SAMD5: variants seen among roughly 807,000 people sequenced by gnomAD.
The protein encoded by SAMD5 is sterile alpha motif domain-containing protein 5.
In SAMD5, 13 loss-of-function variants were observed where a neutral mutation model predicts 11.3. The ratio of observed to expected loss-of-function variants is 1.15; its 90% CI spans 0.75 to 1.83. The LOEUF (loss-of-function observed/expected upper bound fraction) is 1.83, where lower values mean the gene tolerates loss of function less well. SAMD5 is among the 40% of genes most tolerant of loss of function. SAMD5 has a pLI of 0.00. For missense variants in SAMD5, 255 were observed against 239.1 expected (o/e 1.07, Z -0.44); for synonymous variants, 129 against 111.3 (o/e 1.16, Z -1.00).
downstream of SAMD5, among the ~76,000 whole-genome samples, chr6:147,573,486 T>A (rs947044414): frequency 6.6e-6 from 1 of 152,108 alleles, no homozygotes; most frequent in African/African-American, 2.4e-5. Context: ...CCACCTCCCA[T>A]GAGGTCCCTC....
At chr6:147,908,371 A>ACAT in the SAMD5 span, among the ~76,000 whole-genome samples, 1 of 152,164 alleles carries the variant, frequency 6.6e-6, no homozygotes. Context: ...GGGCCTGTGG[A>ACAT]CATCTCATGC....
chr6:147,839,604 G>T, the SAMD5 span, among the ~76,000 whole-genome samples: 1 of 152,110 alleles, frequency 6.6e-6, no homozygotes, highest in South Asian at 2.1e-4. Flanking sequence ...ACAAAAATTA[G>T]CTGGGTGTGG....
At chr6:147,540,639 C>G (rs1182327176) in intron 1 of SAMD5, among the ~76,000 whole-genome samples, 1 of 152,130 alleles carries the variant, frequency 6.6e-6, no homozygotes, top group African/African-American at 2.4e-5. Flanking sequence ...TTATAGAACA[C>G]AGAAAAGCAA....
the SAMD5 span, among the ~76,000 whole-genome samples, chr6:147,808,641 T>C: frequency 6.6e-6 from 1 of 152,216 alleles, no homozygotes; most frequent in African/African-American, 2.4e-5. Context: ...TTAGGGAAAA[T>C]ATCTTGTTTA....
chr6:147,527,548 G>A (rs534045424), intron 1 of SAMD5, among the ~76,000 whole-genome samples: 5 of 152,160 alleles, frequency 3.3e-5, no homozygotes, highest in African/African-American at 1.2e-4. Context: ...ATTTGGGTGG[G>A]TACGCATATC....
chr6:147,586,741 G>A (rs117133597), intron 1 of SAMD5, among the ~76,000 whole-genome samples: 1,980 of 151,696 alleles, frequency 0.013, 13 homozygotes, highest in African/African-American at 0.021. Flanking sequence ...ATGGAAAAGC[G>A]CCTACGGTAG....
At chr6:147,511,047 G>A (rs1180491653) in intron 1 of SAMD5, among the ~76,000 whole-genome samples, 1 of 152,192 alleles carries the variant, frequency 6.6e-6, no homozygotes, top group African/African-American at 2.4e-5. Context: ...TAGTCTGAGA[G>A]AATGTGAGTA....
the SAMD5 span, among the ~76,000 whole-genome samples, chr6:147,869,908 G>T: frequency 2.0e-5 from 3 of 151,942 alleles, no homozygotes; most frequent in African/African-American, 4.8e-5. Flanking sequence ...TAGAGACGGG[G>T]TCTCCTTGTA....
At chr6:147,847,390 A>G in the SAMD5 span, among the ~76,000 whole-genome samples, 5 of 152,196 alleles carry the variant, frequency 3.3e-5, no homozygotes, top group Non-Finnish European at 7.3e-5. Context: ...TAAACAGTCA[A>G]TGAAAAGCTT....
At chr6:147,511,602 C>T (rs1467725269) in intron 1 of SAMD5, among the ~76,000 whole-genome samples, 2 of 147,008 alleles carry the variant, frequency 1.4e-5, no homozygotes, top group African/African-American at 5.2e-5. Flanking sequence ...TCATTATCTC[C>T]CTCATTGATC....
intron 1 of SAMD5, among the ~76,000 whole-genome samples, chr6:147,620,989 T>TGCGC: frequency 1.8e-5 from 1 of 55,496 alleles, no homozygotes; most frequent in African/African-American, 4.1e-5. Flanking sequence ...TGTGTGTGTG[T>TGCGC]GCGCGCGCGC....
chr6:147,666,220 A>G (rs1351020861), intron 1 of SAMD5, among the ~76,000 whole-genome samples: 6 of 152,238 alleles, frequency 3.9e-5, no homozygotes, highest in Non-Finnish European at 5.9e-5. Flanking sequence ...TATAGGCGTG[A>G]GCCACCGCAC....
chr6:147,735,824 G>T (rs1373046744), intron 1 of SAMD5, among the ~76,000 whole-genome samples: 2 of 152,034 alleles, frequency 1.3e-5, no homozygotes, highest in Non-Finnish European at 2.9e-5. Flanking sequence ...TTCCTTATTT[G>T]TTTTCATATG....
chr6:147,589,015 T>C (rs1024576383), intron 1 of SAMD5, among the ~76,000 whole-genome samples: 1 of 152,026 alleles, frequency 6.6e-6, no homozygotes, highest in African/African-American at 2.4e-5. Flanking sequence ...TGGCGTGCAG[T>C]GGCACAGTTG....
At chr6:147,714,657 TTTAA>T (rs1174208006) in intron 1 of SAMD5, among the ~76,000 whole-genome samples, 12 of 152,220 alleles carry the variant, frequency 7.9e-5, no homozygotes, top group African/African-American at 1.2e-4. Flanking sequence ...TTATTCACTG[TTTAA>T]TTAAGACAAA....
chr6:147,573,785 T>C (rs567769176), downstream of SAMD5, among the ~76,000 whole-genome samples: 2 of 152,230 alleles, frequency 1.3e-5, no homozygotes, highest in African/African-American at 4.8e-5. Flanking sequence ...AAAAGAAGTT[T>C]GTGACTCATT....
At chr6:147,910,726 A>G in the SAMD5 span, among the ~76,000 whole-genome samples, 1 of 152,302 alleles carries the variant, frequency 6.6e-6, no homozygotes, top group East Asian at 1.9e-4. Flanking sequence ...GCCAGTCTAT[A>G]TGTTATTTTC....
In SAMD5 at chr6:147,567,666, T is replaced by A; in HGVS notation, c.*3210T>A. The stretch of plus-strand genomic sequence containing the variant: ...CCTCTCTCCCTTCCCTTCTTTACTC[T>A]CAGTTGTCTTATTTCTTCTTATGCA... On this transcript the variant is annotated 3_prime_UTR_variant, in exon 2 of 2. Coordinates refer to ENST00000367474, the MANE Select transcript of SAMD5 (RefSeq NM_001030060.3). 1 of 985,372 alleles carries A rather than the reference T, an allele frequency of 1.0e-6. No individual in the cohort carries two copies. Among genetic ancestry groups the A allele is most frequent in the Non-Finnish European group, 1.2e-6 (1 of 829,910 alleles). The allele number at this position is 985,372 out of a possible 1,614,324, so 61.0% of individuals were successfully genotyped here. A position where few individuals can be genotyped will look rare whatever the true frequency, so the allele number is the denominator to read the frequency against.
At chr6:147,827,967 T>C in the SAMD5 span, among the ~76,000 whole-genome samples, 1 of 93,242 alleles carries the variant, frequency 1.1e-5, no homozygotes, top group Non-Finnish European at 2.2e-5. Context: ...TTTTTCTGTA[T>C]TTTTTTTTTT....
Sources: gnomAD v4.1 joint callset for allele counts (sites outside exome capture counted in the v4.1 genomes callset) on GRCh38, gnomAD v4.1.1 for gene constraint, MANE v1.5 for transcripts, NCBI Gene and HGNC (gene_info 2026-07-23, HGNC 2026-07-21) for gene names.